The following KHDRBS2 variants were observed in gnomAD, a reference collection of about 807,000 sequenced individuals.
KHDRBS2 encodes the protein KH RNA binding domain containing, signal transduction associated 2.
KHDRBS2 carries 26 observed loss-of-function variants against 44.3 expected under a neutral mutation model. The ratio of observed to expected loss-of-function variants is 0.59; its 90% CI spans 0.43 to 0.81. KHDRBS2 has a LOEUF of 0.81. KHDRBS2 is among the 40% of genes least tolerant of loss of function. The pLI, the probability that KHDRBS2 is intolerant of heterozygous loss-of-function variation, is 0.00. For missense variants in KHDRBS2, 476 were observed against 433.1 expected (o/e 1.10, Z -0.88); for synonymous variants, 194 against 151.1 (o/e 1.28, Z -2.08).
intron 2 of KHDRBS2, among the ~76,000 whole-genome samples, chr6:62,077,111 T>C (rs1796498570): frequency 6.6e-6 from 1 of 152,034 alleles, no homozygotes; most frequent in Non-Finnish European, 1.5e-5. Context: ...TAGAAATATC[T>C]GTTGAATTTA....
At chr6:61,771,863 C>A (rs1227358445) in intron 6 of KHDRBS2, among the ~76,000 whole-genome samples, 2 of 152,272 alleles carry the variant, frequency 1.3e-5, no homozygotes, top group East Asian at 3.9e-4. Context: ...GAACTCTCCA[C>A]CCCAAATCAA....
intron 1 of KHDRBS2, among the ~76,000 whole-genome samples, chr6:62,255,044 T>G (rs1046157528): frequency 2.6e-5 from 4 of 152,056 alleles, no homozygotes; most frequent in Admixed American, 2.0e-4. Flanking sequence ...CTGAGAGTTA[T>G]GCTAAGATAA....
chr6:61,943,294 A>G (rs1443393539), intron 4 of KHDRBS2, among the ~76,000 whole-genome samples: 2 of 152,236 alleles, frequency 1.3e-5, no homozygotes, highest in East Asian at 3.9e-4. Flanking sequence ...AATGTTTACC[A>G]TCATGGAAGC....
intron 4 of KHDRBS2, among the ~76,000 whole-genome samples, chr6:61,959,463 T>G (rs1768152190): frequency 6.6e-6 from 1 of 152,182 alleles, no homozygotes; most frequent in Non-Finnish European, 1.5e-5. Context: ...GTGGTAACCA[T>G]CTGCTGAAAT....
chr6:62,220,038 T>C (rs1465034167), intron 1 of KHDRBS2, among the ~76,000 whole-genome samples: 2 of 150,934 alleles, frequency 1.3e-5, no homozygotes, highest in Admixed American at 6.6e-5. Flanking sequence ...AAGAACATAC[T>C]ATAAGTAGGG....
At chr6:62,002,903 T>C (rs1452941012) in intron 3 of KHDRBS2, among the ~76,000 whole-genome samples, 1 of 152,060 alleles carries the variant, frequency 6.6e-6, no homozygotes, top group Non-Finnish European at 1.5e-5. Context: ...TAACATGCAA[T>C]TTAGAAAACT....
At chr6:62,072,817 C>G (rs1795475487) in intron 2 of KHDRBS2, among the ~76,000 whole-genome samples, 3 of 151,974 alleles carry the variant, frequency 2.0e-5, no homozygotes, top group South Asian at 2.1e-4. Flanking sequence ...TTTGTTATGT[C>G]TCTGCCAGGC....
At chr6:61,592,410 G>A in the KHDRBS2 span, among the ~76,000 whole-genome samples, 1 of 152,098 alleles carries the variant, frequency 6.6e-6, no homozygotes, top group Non-Finnish European at 1.5e-5. Flanking sequence ...GGCCAGCAAA[G>A]ATAGTCTTGT....
chr6:61,618,987 T>C, the KHDRBS2 span, among the ~76,000 whole-genome samples: 1 of 152,244 alleles, frequency 6.6e-6, no homozygotes, highest in Non-Finnish European at 1.5e-5. Context: ...TTTTGAGTTA[T>C]GGTATATTCC....
chr6:61,749,235 G>C (rs916696675), intron 6 of KHDRBS2, among the ~76,000 whole-genome samples: 3 of 151,648 alleles, frequency 2.0e-5, no homozygotes, highest in African/African-American at 7.3e-5. Flanking sequence ...GGATGATCTC[G>C]ATCTCCTGAC....
At chr6:62,092,721 C>T (rs72886114) in intron 2 of KHDRBS2, among the ~76,000 whole-genome samples, 9,563 of 152,068 alleles carry the variant, frequency 0.063, 408 homozygotes, top group Non-Finnish European at 0.097. Context: ...AATTTACAGG[C>T]AAAGTGTAAA....
intron 1 of KHDRBS2, among the ~76,000 whole-genome samples, chr6:62,194,917 T>A (rs1825371643): frequency 6.6e-6 from 1 of 152,086 alleles, no homozygotes; most frequent in South Asian, 2.1e-4. Flanking sequence ...TGATTTTAGG[T>A]CCCTTGGATT....
chr6:61,936,312 G>T (rs944022653), intron 4 of KHDRBS2, among the ~76,000 whole-genome samples: 2 of 151,902 alleles, frequency 1.3e-5, no homozygotes, highest in Non-Finnish European at 2.9e-5. Context: ...AGGCAAACTG[G>T]CTTCAAAATA....
At chr6:62,147,870 T>C (rs2150103120) in intron 2 of KHDRBS2, among the ~76,000 whole-genome samples, 1 of 152,112 alleles carries the variant, frequency 6.6e-6, no homozygotes, top group South Asian at 2.1e-4. Context: ...AAGTAATTCA[T>C]TTCAGCACTA....
rs78613798 is a variant in KHDRBS2 at position 62,068,381 on chromosome 6, A to G, written c.220-20387T>C. Among the ~76,000 whole-genome samples, 1,302 of 151,532 alleles carry G rather than the reference A, an allele frequency of 8.6e-3. 19 individuals are homozygous for G. Among genetic ancestry groups the G allele is most frequent in the African/African-American group, 0.03 (1,233 of 41,416 alleles). On this transcript the variant is annotated intron_variant, in intron 2 of 8. Transcript: ENST00000281156. ...TTTAATTTTTTTTTCTTATTGAGAT[A>G]TGAGTTATTTACATGTTCTGGCTAT...
At chr6:61,543,792 G>A in the KHDRBS2 span, among the ~76,000 whole-genome samples, 39 of 152,116 alleles carry the variant, frequency 2.6e-4, no homozygotes, top group Middle Eastern at 3.4e-3. Flanking sequence ...AGATCTTGTC[G>A]TTTGCAATAC....
chr6:61,759,875 C>T (rs145574352), intron 6 of KHDRBS2, among the ~76,000 whole-genome samples: 10 of 152,298 alleles, frequency 6.6e-5, no homozygotes, highest in African/African-American at 2.4e-4. Context: ...CTTTAATTAA[C>T]TTTTGTCTTT....
chr6:61,863,077 G>A (rs1223892406), intron 6 of KHDRBS2, among the ~76,000 whole-genome samples: 1 of 151,888 alleles, frequency 6.6e-6, no homozygotes, highest in Non-Finnish European at 1.5e-5. Flanking sequence ...ATGTATAGAG[G>A]TGTTATAATA....
intron 2 of KHDRBS2, among the ~76,000 whole-genome samples, chr6:62,122,366 GTCA>G (rs1172952751): frequency 2.0e-5 from 3 of 152,242 alleles, no homozygotes; most frequent in East Asian, 1.9e-4. Context: ...TTGACTATGG[GTCA>G]TCAAGTCACC....
Sources: gnomAD v4.1 joint callset for allele counts (sites outside exome capture counted in the v4.1 genomes callset) on GRCh38, gnomAD v4.1.1 for gene constraint, MANE v1.5 for transcripts, NCBI Gene and HGNC (gene_info 2026-07-23, HGNC 2026-07-21) for gene names.